Variants in EPHA5 observed in about 807,000 individuals in gnomAD.
EPHA5 encodes EPH receptor A5.
In EPHA5, 60 loss-of-function variants were observed where a neutral mutation model predicts 105.0. The ratio of observed to expected loss-of-function variants is 0.57; its 90% confidence interval spans 0.46 to 0.71. EPHA5 has a LOEUF of 0.71. Ranked by LOEUF, EPHA5 falls within the 30% of genes least tolerant of loss-of-function variation. The pLI is 0.00. For synonymous variants in EPHA5, 513 were observed against 449.1 expected, an observed-to-expected ratio of 1.14 and a Z score of -1.80; for missense variants, 1,218 against 1,274.7, an observed-to-expected ratio of 0.96 and a Z score of 0.68.
intron 16 of EPHA5, among the ~76,000 whole-genome samples, chr4:65,324,427 G>C (rs944300818): frequency 6.6e-6 from 1 of 151,432 alleles, no homozygotes; most frequent in Non-Finnish European, 1.5e-5. Context: ...AATGAGGAAT[G>C]ATATAATACA....
intron 8 of EPHA5, among the ~76,000 whole-genome samples, chr4:65,380,261 A>G (rs1719424767): frequency 6.6e-6 from 1 of 151,824 alleles, no homozygotes; most frequent in Non-Finnish European, 1.5e-5. Context: ...CTTTTGGCTT[A>G]GAATAAAAAA....
chr4:65,373,093 G>A (rs921256797), intron 8 of EPHA5, among the ~76,000 whole-genome samples: 21 of 151,872 alleles, frequency 1.4e-4, no homozygotes, highest in Non-Finnish European at 2.2e-4. Context: ...GCTAGAGTAC[G>A]TAACTTCCTA....
At chr4:65,549,324 G>C (rs767224697) in intron 3 of EPHA5, among the ~76,000 whole-genome samples, 1 of 152,082 alleles carries the variant, frequency 6.6e-6, no homozygotes, top group Non-Finnish European at 1.5e-5. Flanking sequence ...AGCAGATACA[G>C]AATGAAGGAA....
At position 65,639,871 on chromosome 4, in the gene EPHA5, C is replaced by A. The variant is rs141938987; in HGVS notation, c.246+3492G>T. On this transcript the variant is annotated intron_variant, in intron 2 of 16. Coordinates refer to ENST00000613740, the MANE Select transcript of EPHA5 (RefSeq NM_001281766.3). ...CAAATCTGCTGTTAAGGCTGTATTG[C>A]AAATTCATTTGTTTTTATACTTTTC... Among the ~76,000 whole-genome samples the A allele has an allele frequency of 3.7e-3, 563 of 152,226 alleles. 5 individuals carry two copies. The highest frequency in any genetic ancestry group is 0.013 in the African/African-American group (548 of 41,562).
chr4:65,411,736 T>A (rs190733315), intron 7 of EPHA5, among the ~76,000 whole-genome samples: 11 of 152,268 alleles, frequency 7.2e-5, no homozygotes, highest in Admixed American at 7.2e-4. Context: ...CAGAAAATAC[T>A]ACAAAAATAC....
At chr4:65,390,162 G>A (rs1720564111) in intron 8 of EPHA5, among the ~76,000 whole-genome samples, 1 of 151,946 alleles carries the variant, frequency 6.6e-6, no homozygotes, top group African/African-American at 2.4e-5. Flanking sequence ...CCAGTTCCTA[G>A]AAGTAGCAAA....
At chr4:65,611,008 G>C (rs1744711174) in intron 2 of EPHA5, among the ~76,000 whole-genome samples, 1 of 152,078 alleles carries the variant, frequency 6.6e-6, no homozygotes, top group Admixed American at 6.6e-5. Context: ...TATTATGAAG[G>C]TTTACATAGT....
intron 5 of EPHA5, among the ~76,000 whole-genome samples, chr4:65,485,593 C>A (rs1486213365): frequency 6.6e-6 from 1 of 152,154 alleles, no homozygotes; most frequent in Non-Finnish European, 1.5e-5. Context: ...TGTCTAAATA[C>A]TATGTATACA....
At chr4:65,504,240 C>A (rs1172354834) in intron 3 of EPHA5, among the ~76,000 whole-genome samples, 2 of 150,930 alleles carry the variant, frequency 1.3e-5, no homozygotes, top group East Asian at 1.9e-4. Context: ...CCAAAAATGG[C>A]AAAATACTTT....
At chr4:65,394,395 G>A (rs1183032800) in intron 8 of EPHA5, among the ~76,000 whole-genome samples, 2 of 152,128 alleles carry the variant, frequency 1.3e-5, no homozygotes, top group East Asian at 1.9e-4. Context: ...TCATGGTCCA[G>A]GCCCTTACTG....
intron 3 of EPHA5, among the ~76,000 whole-genome samples, chr4:65,526,743 A>G (rs780962637): frequency 9.2e-5 from 14 of 151,958 alleles, no homozygotes; most frequent in Non-Finnish European, 1.5e-4. Flanking sequence ...TGTAGATTAT[A>G]TCACTCATAT....
intron 5 of EPHA5, among the ~76,000 whole-genome samples, chr4:65,480,579 C>A (rs1027747886): frequency 1.3e-5 from 2 of 152,104 alleles, no homozygotes; most frequent in African/African-American, 2.4e-5. Context: ...CTGATGATTT[C>A]TCTTTAGTTT....
intron 8 of EPHA5, among the ~76,000 whole-genome samples, chr4:65,369,111 A>G (rs1718207598): frequency 6.6e-6 from 1 of 152,120 alleles, no homozygotes; most frequent in African/African-American, 2.4e-5. Flanking sequence ...ATTCATCTAT[A>G]AATCCTTGCA....
chr4:65,396,926 G>A (rs1721299240), intron 8 of EPHA5, among the ~76,000 whole-genome samples: 1 of 152,196 alleles, frequency 6.6e-6, no homozygotes, highest in Non-Finnish European at 1.5e-5. Context: ...GGAGGCCCAA[G>A]AGAGGGAAAG....
At chr4:65,447,880 A>G (rs750936031) in intron 5 of EPHA5, among the ~76,000 whole-genome samples, 9 of 152,182 alleles carry the variant, frequency 5.9e-5, no homozygotes, top group Non-Finnish European at 1.0e-4. Context: ...GAAAGATATA[A>G]TGAGAAAACC....
At chr4:65,352,444 T>C (rs752690186) in intron 12 of EPHA5, among the ~76,000 whole-genome samples, 8 of 152,074 alleles carry the variant, frequency 5.3e-5, no homozygotes, top group Admixed American at 1.3e-4. Context: ...AGCTATTTAC[T>C]AATAAAGTGG....
At chr4:65,390,520 A>T (rs1042255832) in intron 8 of EPHA5, among the ~76,000 whole-genome samples, 2 of 151,868 alleles carry the variant, frequency 1.3e-5, no homozygotes, top group African/African-American at 2.4e-5. Context: ...TTGTTTTCCT[A>T]TGCCTCTTCC....
At chr4:65,443,324 G>T (rs1372834831) in intron 5 of EPHA5, among the ~76,000 whole-genome samples, 6 of 151,412 alleles carry the variant, frequency 4.0e-5, no homozygotes, top group African/African-American at 1.5e-4. Context: ...GCACAAAACC[G>T]GTAATTGTAT....
chr4:65,379,295 T>A (rs200488353), intron 8 of EPHA5, among the ~76,000 whole-genome samples: 4 of 135,194 alleles, frequency 3.0e-5, no homozygotes, highest in Non-Finnish European at 6.6e-5. Context: ...ACACACACAC[T>A]CACACAGAAT....
Sources: gnomAD v4.1 joint callset for allele counts (sites outside exome capture counted in the v4.1 genomes callset) on GRCh38, gnomAD v4.1.1 for gene constraint, MANE v1.5 for transcripts, NCBI Gene and HGNC (gene_info 2026-07-23, HGNC 2026-07-21) for gene names.